CATSPERT: variants seen among roughly 807,000 people sequenced by gnomAD.
CATSPERT encodes the protein cation channel sperm-associated targeting subunit tau.
At chr2:201,545,540 T>A in the CATSPERT span, 1 of 1,480,424 alleles carries the variant, frequency 6.8e-7, no homozygotes, top group Non-Finnish European at 9.1e-7. Context: ...AGTAGTTTCT[T>A]ACCTACTCCT....
the CATSPERT span, among the ~76,000 whole-genome samples, chr2:201,588,017 C>G: frequency 5.3e-5 from 8 of 152,052 alleles, no homozygotes; most frequent in South Asian, 1.7e-3. Flanking sequence ...GCCTACCAAC[C>G]AGAAAAAGCC....
At chr2:201,582,048 C>A in the CATSPERT span, 1 of 1,577,702 alleles carries the variant, frequency 6.3e-7, no homozygotes, top group Non-Finnish European at 8.6e-7. Context: ...ACTGGACAAC[C>A]AACTGGCAAC....
the CATSPERT span, among the ~76,000 whole-genome samples, chr2:201,586,793 G>C: frequency 6.6e-6 from 1 of 151,890 alleles, no homozygotes; most frequent in South Asian, 2.1e-4. Flanking sequence ...TTACTAATTA[G>C]CTTTTGTATT....
the CATSPERT span, among the ~76,000 whole-genome samples, chr2:201,605,482 G>A: frequency 1.3e-5 from 2 of 152,034 alleles, no homozygotes; most frequent in Non-Finnish European, 2.9e-5. Context: ...CAGAAAAACC[G>A]AAGAGAACAA....
At chr2:201,560,733 C>T in the CATSPERT span, among the ~76,000 whole-genome samples, 4 of 151,884 alleles carry the variant, frequency 2.6e-5, no homozygotes, top group Admixed American at 6.6e-5. Context: ...AAGAGGACCC[C>T]GCTAAATGAG....
At chr2:201,523,352 G>A in the CATSPERT span, among the ~76,000 whole-genome samples, 16 of 152,168 alleles carry the variant, frequency 1.1e-4, no homozygotes, top group East Asian at 3.1e-3. Flanking sequence ...GGCCCCCAGG[G>A]TTAGAGCACA....
chr2:201,537,169 G>A, the CATSPERT span, among the ~76,000 whole-genome samples: 7 of 151,756 alleles, frequency 4.6e-5, no homozygotes, highest in Non-Finnish European at 7.4e-5. Context: ...AAGATCTTAC[G>A]TAGAACTTCA....
chr2:201,492,699 AT>A, the CATSPERT span: 1 of 1,535,316 alleles, frequency 6.5e-7, no homozygotes, highest in Non-Finnish European at 8.7e-7. Flanking sequence ...GATGATTGAA[AT>A]TGTTGACAAA....
chr2:201,526,520 A>G, the CATSPERT span, among the ~76,000 whole-genome samples: 1 of 152,140 alleles, frequency 6.6e-6, no homozygotes, highest in African/African-American at 2.4e-5. Context: ...TCCATCTCAA[A>G]AAACAAAAAC....
At chr2:201,513,252 T>C in the CATSPERT span, among the ~76,000 whole-genome samples, 1 of 151,440 alleles carries the variant, frequency 6.6e-6, no homozygotes, top group African/African-American at 2.4e-5. Context: ...CAAAAAACAA[T>C]CTCATAAAAA....
At chr2:201,493,282 C>G in the CATSPERT span, 3 of 1,536,552 alleles carry the variant, frequency 2.0e-6, no homozygotes, top group African/African-American at 1.4e-5. Context: ...TGAATAATAA[C>G]TTGAATCTTG....
chr2:201,577,302 G>A, the CATSPERT span, among the ~76,000 whole-genome samples: 1 of 152,074 alleles, frequency 6.6e-6, no homozygotes, highest in Middle Eastern at 3.4e-3. Flanking sequence ...TTTCAGATAA[G>A]TGATATTTAA....
chr2:201,604,785 T>TA, the CATSPERT span: 3 of 969,334 alleles, frequency 3.1e-6, no homozygotes, highest in Non-Finnish European at 4.5e-6. Flanking sequence ...TATGAATCTC[T>TA]AGTAAGTGTC....
chr2:201,500,549 C>T, the CATSPERT span, among the ~76,000 whole-genome samples: 1 of 151,836 alleles, frequency 6.6e-6, no homozygotes, highest in African/African-American at 2.4e-5. Flanking sequence ...AAAACAAAAA[C>T]ACAGAGGCCG....
chr2:201,512,816 G>A, the CATSPERT span, among the ~76,000 whole-genome samples: 3 of 151,840 alleles, frequency 2.0e-5, no homozygotes, highest in Admixed American at 2.0e-4. Context: ...CAATTGGTGG[G>A]TCATAGGGTA....
the CATSPERT span, chr2:201,495,829 T>G: frequency 9.2e-7 from 1 of 1,084,110 alleles, no homozygotes; most frequent in Non-Finnish European, 1.3e-6. Flanking sequence ...AACTATTGAA[T>G]TAAAGTATTG....
the CATSPERT span, among the ~76,000 whole-genome samples, chr2:201,505,663 G>A: frequency 6.6e-6 from 1 of 152,054 alleles, no homozygotes; most frequent in Non-Finnish European, 1.5e-5. Flanking sequence ...CAGAAAAACT[G>A]TCAAAAACCA....
the CATSPERT span, among the ~76,000 whole-genome samples, chr2:201,580,497 T>A: frequency 1.3e-5 from 2 of 152,358 alleles, no homozygotes; most frequent in East Asian, 3.9e-4. Flanking sequence ...TCTTTTGTTT[T>A]AAAATTTTCC....
chr2:201,579,816 C>T, the CATSPERT span, among the ~76,000 whole-genome samples: 1 of 151,294 alleles, frequency 6.6e-6, no homozygotes, highest in South Asian at 2.1e-4. Flanking sequence ...GTTCTACACT[C>T]AGCTTGATTA....
Sources: allele counts gnomAD v4.1 joint callset (sites outside exome capture counted in the v4.1 genomes callset), GRCh38; gene constraint gnomAD v4.1.1; transcripts MANE v1.5; gene names NCBI Gene and HGNC (gene_info 2026-07-23, HGNC 2026-07-21).